DIDO1: variants seen among roughly 807,000 people sequenced by gnomAD.
DIDO1 encodes the protein death-inducer obliterator 1.
A neutral mutation model predicts 99.4 loss-of-function variants in DIDO1; 16 were observed. The ratio of observed to expected loss-of-function variants is 0.16; its 90% confidence interval spans 0.11 to 0.24. The LOEUF (loss-of-function observed/expected upper bound fraction) is 0.24. Ranked by LOEUF, DIDO1 falls within the 10% of genes least tolerant of loss-of-function variation. DIDO1 has a pLI of 1.00. For synonymous variants in DIDO1, 1,366 were observed against 1,239.1 expected (o/e 1.10, Z -2.15); for missense variants, 2,996 against 3,014.0 (o/e 0.99, Z 0.14).
At chr20:62,887,868 GCTGCCCCCCACC>G (rs1161332777) in intron 15 of DIDO1, 1 of 985,402 alleles carries the variant, frequency 1.0e-6, no homozygotes, top group Non-Finnish European at 1.2e-6. Flanking sequence ...AGGCCTCCCA[GCTGCCCCCCACC>G]GTGATGCTGA....
intron 1 of DIDO1, among the ~76,000 whole-genome samples, 197 bp downstream of exon 1, chr20:62,926,242 C>T (rs1051963471): frequency 8.4e-6 from 1 of 118,518 alleles, no homozygotes; most frequent in Non-Finnish European, 1.7e-5. Flanking sequence ...GCGGCTCTGA[C>T]CGGCCCCGCC....
intron 1 of DIDO1, among the ~76,000 whole-genome samples, chr20:62,922,045 ACAC>A (rs2065152925): frequency 7.0e-6 from 1 of 143,866 alleles, no homozygotes. Context: ...ATATATATAC[ACAC>A]AATATATATA....
intron 1 of DIDO1, among the ~76,000 whole-genome samples, chr20:62,916,970 G>A (rs1039028724): frequency 2.6e-5 from 4 of 152,136 alleles, no homozygotes; most frequent in African/African-American, 9.7e-5. Context: ...TGGATGACAC[G>A]GGTTCAAGTA....
exon 1 of DIDO1, chr20:62,937,841 T>C (rs943806759): frequency 1.0e-5 from 4 of 398,008 alleles, no homozygotes; most frequent in African/African-American, 6.2e-5. Flanking sequence ...GGTTCCAGAT[T>C]TCCGCGCTCC....
At chr20:62,902,358 T>C (rs1323255239) in intron 6 of DIDO1, among the ~76,000 whole-genome samples, 2 of 152,226 alleles carry the variant, frequency 1.3e-5, no homozygotes, top group African/African-American at 2.4e-5. Flanking sequence ...GCTATATTCT[T>C]TCTCAGAACA....
At chr20:62,917,411 A>G (rs2065058735) in intron 1 of DIDO1, among the ~76,000 whole-genome samples, 1 of 152,216 alleles carries the variant, frequency 6.6e-6, no homozygotes, top group African/African-American at 2.4e-5. Flanking sequence ...CAAGTTTTCT[A>G]AAATTCCAAT....
At chr20:62,919,671 C>T (rs548633809) in intron 1 of DIDO1, among the ~76,000 whole-genome samples, 15 of 152,316 alleles carry the variant, frequency 9.8e-5, no homozygotes, top group African/African-American at 3.6e-4. Context: ...TTTATAGATA[C>T]GCGGAGACAA....
At chr20:62,900,551 C>T (rs538612512) in intron 6 of DIDO1, among the ~76,000 whole-genome samples, 2 of 152,324 alleles carry the variant, frequency 1.3e-5, no homozygotes, top group South Asian at 2.1e-4. Context: ...TTTAGCAGGA[C>T]AGGGATTAAA....
chr20:62,895,508 A>G (rs2064499634), intron 8 of DIDO1, among the ~76,000 whole-genome samples: 1 of 152,274 alleles, frequency 6.6e-6, no homozygotes, highest in South Asian at 2.1e-4. Context: ...TATGTACACA[A>G]GGTGGACACA....
rs148474756 is a variant in DIDO1, at chr20:62,922,255, C to T, written c.-200+4184G>A. Among the ~76,000 whole-genome samples, 116 of 149,222 alleles carry T rather than the reference C, an allele frequency of 7.8e-4. 2 individuals carry two copies. Among genetic ancestry groups the T allele is most frequent in the Non-Finnish European group, 4.3e-4 (29 of 67,488 alleles). ...ACATATATATATATACACACACACA[C>T]ATATATATACACACACACACAGGTG... On this transcript the variant is annotated intron_variant, in intron 1 of 15. Coordinates refer to ENST00000395343, the MANE Select transcript of DIDO1 (RefSeq NM_001193369.2).
intron 4 of DIDO1, 142 bp from the exon 5 acceptor site, chr20:62,907,501 C>T: frequency 1.2e-6 from 1 of 826,636 alleles, no homozygotes; most frequent in South Asian, 1.8e-5. Flanking sequence ...TATGAATAAA[C>T]ATTTTGTTGA....
intron 5 of DIDO1, 59 bp downstream of exon 5, chr20:62,907,088 G>T: frequency 6.3e-7 from 1 of 1,577,182 alleles, no homozygotes; most frequent in South Asian, 1.1e-5. Context: ...ACAGTTCTGC[G>T]ACAAACGCTC....
chr20:62,908,325 G>C (rs556548319), intron 4 of DIDO1, among the ~76,000 whole-genome samples: 1 of 152,274 alleles, frequency 6.6e-6, no homozygotes, highest in South Asian at 2.1e-4. Context: ...CTTCTGGAAG[G>C]GAATCCCCTG....
chr20:62,887,471 G>A (rs2064313652), intron 15 of DIDO1: 1 of 985,470 alleles, frequency 1.0e-6, no homozygotes, highest in Non-Finnish European at 1.2e-6. Flanking sequence ...AGACCTCAGA[G>A]AAAAGAGCCC....
rs868365992 is a variant in DIDO1, at chr20:62,879,243, G to A, written c.6713C>T (p.Ser2238Leu). The change falls in exon 16 of 16, where the codon TCG (serine) becomes TTG (leucine). Residue 2238 changes from serine (S) to leucine (L), a missense_variant. By Grantham distance (145) the Ser-to-Leu change is moderately radical (BLOSUM62 -2). Transcript: ENST00000395343. The surrounding 1 kb of genome is among the most constrained non-coding windows in gnomAD (Gnocchi z 6.3). ...GCCCGGCCGGGGCGTCTAGGCCTGC[G>A]AGGCGGTGCCAGCGTCGGAGGCCCT... ...ASRASDAGTA[S>L]QA 8.5e-6 allele frequency: 13 copies of A among 1,529,146 alleles called. No homozygotes were observed. The highest frequency in any genetic ancestry group is 4.2e-5 in the African/African-American group (3 of 71,880). The allele number at this position is 1,529,146 out of a possible 1,614,324, so 94.7% of individuals were successfully genotyped here.
In DIDO1 at chr20:62,880,284, C is replaced by A. The variant is rs765156836; in HGVS notation, c.5672G>T (p.Gly1891Val). The A allele has an allele frequency of 4.3e-6, 7 of 1,612,612 alleles. No homozygotes were observed. The African/African-American group carries it at 9.3e-5, about 22-fold the overall frequency. Residue 1891 changes from glycine (G) to valine (V), a missense_variant, in exon 16 of 16, where the codon GGC becomes GTC. Gly to Val is a moderately radical substitution (Grantham distance 109, BLOSUM62 -3). Around this residue, in one of 5 missense-constraint regions of DIDO1, gnomAD observed 1,562 missense variants for 1,412.6 expected, o/e 1.11. Transcript: ENST00000395343. The part of the protein sequence containing the change: ...SRGGAPFQFG[G>V]QRRPLLSQLK... ...CTGAGACAGCAGTGGCCTTCTCTGGCCTCCGAACTGGAAAGGCGCGCCGCC... is the reference window on the plus strand; with the variant it reads ...CTGAGACAGCAGTGGCCTTCTCTGGACTCCGAACTGGAAAGGCGCGCCGCC...
chr20:62,916,595 ATG>A (rs769134198), intron 1 of DIDO1, among the ~76,000 whole-genome samples: 73 of 152,248 alleles, frequency 4.8e-4, no homozygotes, highest in Non-Finnish European at 9.1e-4. Flanking sequence ...ACAAACAAAA[ATG>A]AACAGGAAGA....
chr20:62,891,532 T>A (rs1302017137), intron 14 of DIDO1, among the ~76,000 whole-genome samples: 1 of 152,070 alleles, frequency 6.6e-6, no homozygotes, highest in African/African-American at 2.4e-5. Flanking sequence ...TGTAGCTAAA[T>A]CTCAGGGGGT....
chr20:62,922,344 G>C lies in DIDO1; in HGVS notation c.-200+4095C>G, dbSNP rs189964107. Among the ~76,000 whole-genome samples, 18 of 152,050 alleles carry C rather than the reference G, an allele frequency of 1.2e-4. 1 individual carries two copies. In the East Asian group the frequency reaches 3.5e-3, roughly 29 times the overall value. On this transcript the variant is annotated intron_variant, in intron 1 of 15. Transcript: ENST00000395343. ...CTGGGGCCTACTCCCCTCAGTGCAG[G>C]TTCAGCATTCCCAGTCCTGACAGCT...
Sources: allele counts gnomAD v4.1 joint callset (sites outside exome capture counted in the v4.1 genomes callset), GRCh38; gene constraint gnomAD v4.1.1; regional missense constraint gnomAD v4.1.1; non-coding constraint Gnocchi (gnomAD v3.1); transcripts MANE v1.5; gene names NCBI Gene and HGNC (gene_info 2026-07-23, HGNC 2026-07-21).